Variants in MYOCD observed in about 807,000 individuals in gnomAD.
MYOCD encodes myocardin.
Under a neutral mutation model 96.1 loss-of-function variants are expected in MYOCD, and 32 were observed. The observed-to-expected ratio is 0.33, with a 90% CI of 0.25 to 0.45. MYOCD has a LOEUF of 0.45. MYOCD is among the 20% of genes least tolerant of loss of function. The probability of loss-of-function intolerance (pLI) is 1.00; values close to 1 mark genes in which losing one functional copy is unlikely to be tolerated. For synonymous variants in MYOCD, 469 were observed against 469.0 expected, an observed-to-expected ratio of 1.00 and a Z score of 0.00; for missense variants, 1,133 against 1,200.6, an observed-to-expected ratio of 0.94 and a Z score of 0.83.
rs776014540 is a variant in MYOCD at position 12,752,848 on chromosome 17, G to A, written c.1560G>A (p.Met520Ile). ...GGCTGGACTCCGAGAAGGACAAGAT[G>A]CTGGTGGAGAAGCAGAAGGTGATCA... The part of the protein sequence containing the change: ...LDGLDSEKDK[M>I]LVEKQKVINE... Residue 520 changes from methionine to isoleucine, a missense_variant, in exon 10 of 14, where the codon ATG (methionine) becomes ATA (isoleucine). Physicochemically the swap from Met to Ile is conservative, Grantham distance 10. Coordinates refer to ENST00000425538, the MANE Select transcript of MYOCD (RefSeq NM_001146312.3). 1 of 1,614,134 alleles carries A rather than the reference G, an allele frequency of 6.2e-7. No individual in the cohort carries two copies. Among genetic ancestry groups the A allele is most frequent in the Non-Finnish European group, 8.5e-7 (1 of 1,180,040 alleles).
chr17:12,742,754 CAG>C (rs1898989798), intron 7 of MYOCD, among the ~76,000 whole-genome samples: 1 of 151,650 alleles, frequency 6.6e-6, no homozygotes, highest in Non-Finnish European at 1.5e-5. Flanking sequence ...GTATTTTTAC[CAG>C]AGACAGGGTT....
chr17:12,715,964 T>C (rs773732796), intron 3 of MYOCD, among the ~76,000 whole-genome samples: 2 of 152,170 alleles, frequency 1.3e-5, no homozygotes, highest in Non-Finnish European at 2.9e-5. Context: ...GGGTAAGGCA[T>C]GGTTTATGCA....
intron 1 of MYOCD, among the ~76,000 whole-genome samples, chr17:12,693,581 G>A (rs1436763444): frequency 2.0e-5 from 3 of 149,588 alleles, no homozygotes. Flanking sequence ...TTGCATTCCA[G>A]CCTGGGAGTC....
At chr17:12,711,866 TGA>T (rs1458877543) in intron 2 of MYOCD, among the ~76,000 whole-genome samples, 1 of 151,962 alleles carries the variant, frequency 6.6e-6, no homozygotes, top group African/African-American at 2.4e-5. Context: ...TGGGTTCTAC[TGA>T]GAGTTTCTGA....
At chr17:12,753,423 T>A in intron 10 of MYOCD, 77 bp downstream of exon 10, 6 of 1,315,528 alleles carry the variant, frequency 4.6e-6, no homozygotes, top group Non-Finnish European at 6.2e-6. Context: ...GCTAAAGAGC[T>A]AATGTCAGAA....
intron 1 of MYOCD, among the ~76,000 whole-genome samples, chr17:12,683,461 G>A (rs902092146): frequency 1.3e-5 from 2 of 152,076 alleles, no homozygotes; most frequent in East Asian, 3.9e-4. Flanking sequence ...TCTCGTGCGC[G>A]CGCGCTCTCT....
intron 12 of MYOCD, among the ~76,000 whole-genome samples, chr17:12,759,036 A>C (rs1228185875): frequency 6.6e-6 from 1 of 152,086 alleles, no homozygotes; most frequent in Non-Finnish European, 1.5e-5. Context: ...TGACAAGAGC[A>C]AAACTCCATC....
chr17:12,716,151 TTGAG>T (rs1445502442), intron 3 of MYOCD, among the ~76,000 whole-genome samples: 1 of 152,174 alleles, frequency 6.6e-6, no homozygotes, highest in Non-Finnish European at 1.5e-5. Context: ...TATCAACACT[TTGAG>T]TGAGAAGGAA....
intron 9 of MYOCD, among the ~76,000 whole-genome samples, chr17:12,751,522 C>T (rs941225181): frequency 6.6e-6 from 1 of 152,074 alleles, no homozygotes; most frequent in Non-Finnish European, 1.5e-5. Flanking sequence ...ATAAAAAATA[C>T]AGGGATAAGA....
intron 1 of MYOCD, among the ~76,000 whole-genome samples, chr17:12,697,359 A>AT (rs71144918): frequency 0.042 from 3,213 of 75,778 alleles, 191 homozygotes; most frequent in Non-Finnish European, 0.061. Flanking sequence ...ATATATATAT[A>AT]TTTTTTTTTT....
chr17:12,706,417 G>A (rs934503902), intron 2 of MYOCD, among the ~76,000 whole-genome samples: 2 of 152,192 alleles, frequency 1.3e-5, no homozygotes, highest in African/African-American at 4.8e-5. Flanking sequence ...GCGGATGTCA[G>A]ATCAGGTCAA....
chr17:12,699,908 C>CTTTT (rs35667292), intron 1 of MYOCD, among the ~76,000 whole-genome samples: 3 of 101,526 alleles, frequency 3.0e-5, no homozygotes, highest in African/African-American at 4.5e-5. Flanking sequence ...TTTTTTTTAC[C>CTTTT]TTTTTTTTTT....
chr17:12,730,783 C>T (rs575691059), intron 5 of MYOCD, among the ~76,000 whole-genome samples: 1 of 152,294 alleles, frequency 6.6e-6, no homozygotes, highest in African/African-American at 2.4e-5. Context: ...GCTTCTATTG[C>T]AGTGGACCGG....
Position 12,728,885 on chromosome 17 carries a change from C to A in MYOCD, c.415+5877C>A, listed in dbSNP as rs569329162. Among the ~76,000 whole-genome samples, 53 of 152,324 alleles carry A rather than the reference C, an allele frequency of 3.5e-4. No individual in the cohort carries two copies. In the Middle Eastern group the frequency reaches 0.024, roughly 68 times the overall value. On this transcript the variant is annotated intron_variant, in intron 5 of 13. Transcript: ENST00000425538. The stretch of plus-strand genomic sequence containing the variant: ...CCGTTTCATGTAGAAAGCAATAATT[C>A]AGCCCCTCCGGGGCTGGTCCAGAAG...
At chr17:12,699,919 T>G (rs2030978655) in intron 1 of MYOCD, among the ~76,000 whole-genome samples, 2 of 145,614 alleles carry the variant, frequency 1.4e-5, no homozygotes, top group Admixed American at 1.4e-4. Flanking sequence ...TTTTTTTTTT[T>G]TTTTTTTGAG....
At chr17:12,740,800 G>A (rs563899852) in intron 7 of MYOCD, among the ~76,000 whole-genome samples, 4 of 151,864 alleles carry the variant, frequency 2.6e-5, no homozygotes, top group Admixed American at 6.6e-5. Context: ...GTGCAGTGGC[G>A]TGATCTCAGC....
At chr17:12,758,059 C>G (rs1021347573) in intron 11 of MYOCD, 26 bp from the exon 12 acceptor site, 1 of 1,497,140 alleles carries the variant, frequency 6.7e-7, no homozygotes, top group Non-Finnish European at 9.3e-7. Context: ...GAATTCAATG[C>G]CTTTCTTCAT....
At chr17:12,698,617 A>C (rs2030894377) in intron 1 of MYOCD, among the ~76,000 whole-genome samples, 1 of 152,192 alleles carries the variant, frequency 6.6e-6, no homozygotes, top group South Asian at 2.1e-4. Flanking sequence ...TTTATAACTG[A>C]AAAATCTGCA....
rs146556873 is a variant in MYOCD at position 12,722,297 on chromosome 17, C to T, written c.254-550C>T. ...ACACCCTCCAAATGATGAGAAACTG[C>T]CTGTGGATGAATTCAACTTTTAAAA... On this transcript the variant is annotated intron_variant, in intron 4 of 13. Transcript: ENST00000425538. 4.4e-3 allele frequency among the ~76,000 whole-genome samples: 670 copies of T among 152,242 alleles called. 6 individuals are homozygous for T. The highest frequency in any genetic ancestry group is 0.015 in the African/African-American group (640 of 41,546).
Sources: allele counts gnomAD v4.1 joint callset (sites outside exome capture counted in the v4.1 genomes callset), GRCh38; gene constraint gnomAD v4.1.1; transcripts MANE v1.5; gene names NCBI Gene and HGNC (gene_info 2026-07-23, HGNC 2026-07-21).